CTCF: variants seen among roughly 807,000 people sequenced by gnomAD.
CTCF encodes transcriptional repressor CTCF.
A neutral mutation model predicts 72.3 loss-of-function variants in CTCF; 7 were observed. That is an observed-to-expected ratio of 0.10 (90% CI 0.06 to 0.18). The LOEUF (loss-of-function observed/expected upper bound fraction) is 0.18, where lower values mean the gene tolerates loss of function less well. CTCF is among the 10% of genes least tolerant of loss of function. The pLI, the probability that CTCF is intolerant of heterozygous loss-of-function variation, is 1.00. For missense variants in CTCF, 516 were observed against 949.1 expected (o/e 0.54, Z 6.00); for synonymous variants, 374 against 315.8 (o/e 1.18, Z -1.95).
chr16:67,617,484 G>A (rs1481069845), intron 5 of CTCF, among the ~76,000 whole-genome samples: 1 of 151,722 alleles, frequency 6.6e-6, no homozygotes. Flanking sequence ...GGGCGACAGA[G>A]CGAGACTCCC....
Position 67,629,405 on chromosome 16 carries a change from T to C in CTCF, c.1709T>C (p.Met570Thr). 1 of 1,606,134 alleles carries C rather than the reference T, an allele frequency of 6.2e-7. No homozygotes were observed. The highest frequency in any genetic ancestry group is 8.5e-7 in the Non-Finnish European group (1 of 1,176,944). ...TTTTGTTCTTTTTGTTAGAATACCA[T>C]GGCAAGACATGCTGATAATTGTGCT... ...CGKTFTRRNT[M>T]ARHADNCAGP... The change falls in exon 10 of 12, where the codon ATG becomes ACG. Residue 570 changes from methionine to threonine, a missense_variant. Around this residue, in one of 7 missense-constraint regions of CTCF, gnomAD observed 81 missense variants for 184.3 expected, o/e 0.44. Transcript: ENST00000264010.
chr16:67,581,639 G>C (rs575712311), intron 2 of CTCF, among the ~76,000 whole-genome samples: 1 of 152,176 alleles, frequency 6.6e-6, no homozygotes, highest in African/African-American at 2.4e-5. Flanking sequence ...GAGTAGATGG[G>C]ATTACAGTCG....
chr16:67,574,477 G>A (rs2051468006), intron 2 of CTCF, among the ~76,000 whole-genome samples: 2 of 151,764 alleles, frequency 1.3e-5, no homozygotes, highest in South Asian at 4.2e-4. Context: ...GAGTAGCTGG[G>A]ATTACAGGCG....
chr16:67,584,409 C>T (rs1352749636), intron 2 of CTCF, among the ~76,000 whole-genome samples: 2 of 141,506 alleles, frequency 1.4e-5, no homozygotes, highest in African/African-American at 2.7e-5. Flanking sequence ...GGCACGATCT[C>T]GGCTCACCGC....
At chr16:67,594,420 C>T (rs936877177) in intron 2 of CTCF, among the ~76,000 whole-genome samples, 9 of 151,110 alleles carry the variant, frequency 6.0e-5, no homozygotes, top group Non-Finnish European at 1.5e-5. Flanking sequence ...TTGACACAGG[C>T]TAGTTGCAGT....
chr16:67,592,743 A>G (rs1294791580), intron 2 of CTCF, among the ~76,000 whole-genome samples: 1 of 151,284 alleles, frequency 6.6e-6, no homozygotes, highest in South Asian at 2.1e-4. Flanking sequence ...TACAGAGGCC[A>G]GGCGTTGGTG....
chr16:67,592,138 G>A (rs1239729117), intron 2 of CTCF, among the ~76,000 whole-genome samples: 2 of 152,058 alleles, frequency 1.3e-5, no homozygotes, highest in Non-Finnish European at 2.9e-5. Context: ...TCGACTGGAC[G>A]CAGTGGCTCA....
chr16:67,600,234 T>A (rs1045370147), intron 2 of CTCF, among the ~76,000 whole-genome samples: 24 of 151,600 alleles, frequency 1.6e-4, no homozygotes, highest in African/African-American at 4.1e-4. Flanking sequence ...ATTTATTATT[T>A]TTTTTATTTT....
chr16:67,586,638 A>G (rs915170213), intron 2 of CTCF, among the ~76,000 whole-genome samples: 1 of 151,990 alleles, frequency 6.6e-6, no homozygotes, highest in Non-Finnish European at 1.5e-5. Flanking sequence ...TGGAGGTTCC[A>G]GACTGTGTCT....
At chr16:67,635,083 G>T (rs371291099) in intron 10 of CTCF, among the ~76,000 whole-genome samples, 3 of 151,680 alleles carry the variant, frequency 2.0e-5, no homozygotes, top group Non-Finnish European at 4.4e-5. Flanking sequence ...GTGCAGTGGC[G>T]CAATCTTGGC....
At chr16:67,632,178 C>T (rs370928752) in intron 10 of CTCF, among the ~76,000 whole-genome samples, 1 of 152,018 alleles carries the variant, frequency 6.6e-6, no homozygotes, top group South Asian at 2.1e-4. Context: ...TAATCTTAAC[C>T]TTGGGGATCC....
intron 2 of CTCF, among the ~76,000 whole-genome samples, chr16:67,579,679 C>T (rs2051554323): frequency 1.3e-5 from 2 of 152,126 alleles, no homozygotes; most frequent in African/African-American, 4.8e-5. Context: ...AGGTATGAGC[C>T]ACCACGCCCA....
At chr16:67,601,275 C>G (rs1157652869) in intron 2 of CTCF, among the ~76,000 whole-genome samples, 8 of 114,150 alleles carry the variant, frequency 7.0e-5, no homozygotes, top group African/African-American at 2.1e-4. Context: ...TTTTTTAAGA[C>G]AGAGTCTCAC....
intron 2 of CTCF, among the ~76,000 whole-genome samples, chr16:67,595,735 TG>T (rs1376701772): frequency 6.6e-6 from 1 of 152,128 alleles, no homozygotes; most frequent in African/African-American, 2.4e-5. Context: ...AAACCAGAAT[TG>T]GGATGCACGT....
At chr16:67,577,513 C>T (rs1028874961) in intron 2 of CTCF, among the ~76,000 whole-genome samples, 6 of 150,982 alleles carry the variant, frequency 4.0e-5, no homozygotes, top group African/African-American at 1.5e-4. Flanking sequence ...TATTGGCTCA[C>T]TGCAAGCTCC....
chr16:67,582,237 A>G (rs1215834812), intron 2 of CTCF, among the ~76,000 whole-genome samples: 1 of 151,526 alleles, frequency 6.6e-6, no homozygotes, highest in Non-Finnish European at 1.5e-5. Context: ...ATCTTCTGTT[A>G]CTTCAAATTA....
chr16:67,631,182 T>TTG (rs2052360439), intron 10 of CTCF, among the ~76,000 whole-genome samples: 1 of 150,094 alleles, frequency 6.7e-6, no homozygotes, highest in Non-Finnish European at 1.5e-5. Context: ...GTTTTTTTTT[T>TTG]GAGACAGTGT....
At chr16:67,576,318 G>T (rs541728443) in intron 2 of CTCF, among the ~76,000 whole-genome samples, 5 of 151,948 alleles carry the variant, frequency 3.3e-5, no homozygotes, top group African/African-American at 4.8e-5. Context: ...ATGAATGAAT[G>T]CCTAGGGAAA....
intron 7 of CTCF, among the ~76,000 whole-genome samples, chr16:67,624,023 G>A (rs2052239987): frequency 6.7e-6 from 1 of 149,580 alleles, no homozygotes; most frequent in South Asian, 2.1e-4. Flanking sequence ...ACTCCAGCCT[G>A]GGCAAGAGAG....
Sources: gnomAD v4.1 joint callset for allele counts (sites outside exome capture counted in the v4.1 genomes callset) on GRCh38, gnomAD v4.1.1 for gene constraint, gnomAD v4.1.1 regional missense constraint, MANE v1.5 for transcripts, NCBI Gene and HGNC (gene_info 2026-07-23, HGNC 2026-07-21) for gene names.